The following ACSS3 variants were observed in gnomAD, a reference collection of about 807,000 sequenced individuals.
ACSS3 encodes the protein acyl-CoA synthetase short chain family member 3.
A neutral mutation model predicts 84.2 loss-of-function variants in ACSS3; 64 were observed. That is an observed-to-expected ratio of 0.76 (90% CI 0.62 to 0.94). ACSS3 has a LOEUF of 0.94. ACSS3 is among the 40% of genes least tolerant of loss of function. The pLI, the probability that ACSS3 is intolerant of heterozygous loss-of-function variation, is 0.00. For missense variants in ACSS3, 815 were observed against 867.6 expected (o/e 0.94, Z 0.76); for synonymous variants, 317 against 310.1 (o/e 1.02, Z -0.23).
intron 7 of ACSS3, among the ~76,000 whole-genome samples, chr12:81,165,506 C>T (rs183343305): frequency 4.6e-5 from 7 of 152,102 alleles, no homozygotes; most frequent in South Asian, 2.1e-4. Context: ...ATTAGCCAGG[C>T]GTGGTGGTGG....
intron 2 of ACSS3, among the ~76,000 whole-genome samples, chr12:81,114,729 G>A (rs1019133965): frequency 3.9e-5 from 6 of 152,052 alleles, no homozygotes; most frequent in East Asian, 1.9e-4. Flanking sequence ...AGTTATAGTC[G>A]TTCATGCATT....
At chr12:81,182,963 AC>A (rs1162556081) in intron 8 of ACSS3, among the ~76,000 whole-genome samples, 3 of 152,186 alleles carry the variant, frequency 2.0e-5, no homozygotes, top group Non-Finnish European at 1.5e-5. Context: ...CTGACACAGA[AC>A]AGACACCTCC....
intron 1 of ACSS3, among the ~76,000 whole-genome samples, chr12:81,102,863 A>G (rs1178695697): frequency 1.3e-5 from 2 of 152,088 alleles, no homozygotes; most frequent in African/African-American, 4.8e-5. Flanking sequence ...AGTCATCTGC[A>G]TTGAGAGGAG....
chr12:81,143,085 T>G, intron 4 of ACSS3, 22 bp from the exon 5 acceptor site: 5 of 1,605,674 alleles, frequency 3.1e-6, no homozygotes, highest in Non-Finnish European at 4.3e-6. Flanking sequence ...ACAGTACATA[T>G]TCTTATATTT....
intron 11 of ACSS3, among the ~76,000 whole-genome samples, chr12:81,222,711 C>T (rs1019627833): frequency 9.9e-5 from 15 of 151,878 alleles, no homozygotes; most frequent in African/African-American, 3.4e-4. Context: ...TATGACAGTC[C>T]GCAAATCACT....
chr12:81,173,147 G>A (rs991481981), intron 7 of ACSS3, among the ~76,000 whole-genome samples: 1 of 152,142 alleles, frequency 6.6e-6, no homozygotes, highest in Non-Finnish European at 1.5e-5. Flanking sequence ...TATCAAAAAA[G>A]TAAAAATAAA....
At chr12:81,219,441 G>A (rs542555976) in intron 10 of ACSS3, among the ~76,000 whole-genome samples, 1 of 152,164 alleles carries the variant, frequency 6.6e-6, no homozygotes, top group South Asian at 2.1e-4. Context: ...TATTTAGTTT[G>A]CACCAAGGGT....
At chr12:81,122,337 C>T (rs1884695985) in intron 2 of ACSS3, among the ~76,000 whole-genome samples, 1 of 151,960 alleles carries the variant, frequency 6.6e-6, no homozygotes, top group Non-Finnish European at 1.5e-5. Context: ...CTTGGAGAAA[C>T]ACTACAATAA....
intron 8 of ACSS3, among the ~76,000 whole-genome samples, chr12:81,183,732 C>T (rs1231634690): frequency 6.6e-6 from 1 of 152,018 alleles, no homozygotes; most frequent in Non-Finnish European, 1.5e-5. Flanking sequence ...AAGGGTCATT[C>T]ATTAAGATAA....
chr12:81,204,192 A>C (rs1479883043), intron 9 of ACSS3, among the ~76,000 whole-genome samples: 2 of 151,952 alleles, frequency 1.3e-5, no homozygotes, highest in African/African-American at 4.8e-5. Context: ...TGAGTAAATG[A>C]GCTAGTACAA....
chr12:81,164,701 C>T (rs1324098680), intron 7 of ACSS3, among the ~76,000 whole-genome samples: 3 of 152,170 alleles, frequency 2.0e-5, no homozygotes, highest in South Asian at 4.1e-4. Flanking sequence ...CTTCTGAATA[C>T]TTAACTCCTC....
chr12:81,233,077 A>G (rs1437694776), intron 12 of ACSS3, among the ~76,000 whole-genome samples: 5 of 151,790 alleles, frequency 3.3e-5, no homozygotes, highest in Non-Finnish European at 7.4e-5. Flanking sequence ...TCCATTAAAA[A>G]AAGAAATTGG....
At chr12:81,233,147 T>G (rs570126706) in intron 12 of ACSS3, among the ~76,000 whole-genome samples, 1 of 151,804 alleles carries the variant, frequency 6.6e-6, no homozygotes, top group African/African-American at 2.4e-5. Context: ...ACACTTCAAC[T>G]TATTCTTGGC....
chr12:81,193,085 A>T (rs1382974326), intron 8 of ACSS3, among the ~76,000 whole-genome samples: 1 of 152,204 alleles, frequency 6.6e-6, no homozygotes, highest in Non-Finnish European at 1.5e-5. Context: ...GTGTGATATT[A>T]ACACTAGCGT....
intron 8 of ACSS3, among the ~76,000 whole-genome samples, chr12:81,183,620 A>G (rs2031078748): frequency 6.6e-6 from 1 of 152,076 alleles, no homozygotes; most frequent in Non-Finnish European, 1.5e-5. Flanking sequence ...ATCCATGTAA[A>G]TGCCATCCAT....
chr12:81,143,099 C>T lies in ACSS3; in HGVS notation c.781-8C>T, dbSNP rs755475849. 2 of 1,605,688 alleles carry T rather than the reference C, an allele frequency of 1.2e-6. No homozygotes were observed. Among genetic ancestry groups the T allele is most frequent in the Non-Finnish European group, 1.7e-6 (2 of 1,175,202 alleles). On this transcript the variant is annotated splice_region_variant and splice_polypyrimidine_tract_variant and intron_variant, in intron 4 of 15. Coordinates refer to ENST00000548058, the MANE Select transcript of ACSS3 (RefSeq NM_024560.4). ...TACAGTACATATTCTTATATTTTTG[C>T]TGTGTAGGAGGCGGTTCCTTTGGCT...
At chr12:81,202,672 T>C (rs1257870766) in intron 9 of ACSS3, among the ~76,000 whole-genome samples, 1 of 152,218 alleles carries the variant, frequency 6.6e-6, no homozygotes, top group Middle Eastern at 3.2e-3. Flanking sequence ...TCATATAAAT[T>C]CATATGTGTA....
At chr12:81,166,930 C>T (rs1384458327) in intron 7 of ACSS3, among the ~76,000 whole-genome samples, 1 of 152,212 alleles carries the variant, frequency 6.6e-6, no homozygotes, top group East Asian at 1.9e-4. Flanking sequence ...TCTCATTAAT[C>T]ACACTGAATA....
chr12:81,144,963 C>G (rs1389010076), intron 5 of ACSS3, among the ~76,000 whole-genome samples: 1 of 141,914 alleles, frequency 7.0e-6, no homozygotes, highest in African/African-American at 2.6e-5. Context: ...TGCAGTGGCG[C>G]GATCTCGGCT....
Sources: allele counts gnomAD v4.1 joint callset (sites outside exome capture counted in the v4.1 genomes callset), GRCh38; gene constraint gnomAD v4.1.1; transcripts MANE v1.5; gene names NCBI Gene and HGNC (gene_info 2026-07-23, HGNC 2026-07-21).